IL1RAP: variants seen among roughly 807,000 people sequenced by gnomAD.
IL1RAP encodes interleukin 1 receptor accessory protein.
A neutral mutation model predicts 60.7 loss-of-function variants in IL1RAP; 35 were observed. The observed-to-expected ratio is 0.58, with a 90% CI of 0.44 to 0.76. The LOEUF (loss-of-function observed/expected upper bound fraction) is 0.76, where lower values mean the gene tolerates loss of function less well. Among genes scored for constraint, IL1RAP ranks in the 30% least tolerant of loss-of-function variants. IL1RAP has a pLI of 0.00. For missense variants in IL1RAP, 572 were observed against 693.9 expected, an observed-to-expected ratio of 0.82 and a Z score of 1.97; for synonymous variants, 268 against 250.9, an observed-to-expected ratio of 1.07 and a Z score of -0.64.
chr3:190,530,252 T>C (rs754878765), intron 1 of IL1RAP, among the ~76,000 whole-genome samples: 3 of 152,160 alleles, frequency 2.0e-5, no homozygotes, highest in Admixed American at 6.5e-5. Flanking sequence ...GGACCTTAAA[T>C]GCTCTGTTAA....
At chr3:190,608,388 T>G (rs1189305601) in intron 4 of IL1RAP, among the ~76,000 whole-genome samples, 2 of 152,106 alleles carry the variant, frequency 1.3e-5, no homozygotes, top group Admixed American at 6.6e-5. Flanking sequence ...ACAGTTAACA[T>G]ACAATATAAA....
intron 3 of IL1RAP, among the ~76,000 whole-genome samples, chr3:190,588,254 C>T (rs1268085617): frequency 6.6e-6 from 1 of 152,210 alleles, no homozygotes; most frequent in Non-Finnish European, 1.5e-5. Flanking sequence ...GCTGGGACTA[C>T]AGGCATGCGC....
At chr3:190,630,622 G>A (rs922166084) in intron 9 of IL1RAP, among the ~76,000 whole-genome samples, 8 of 152,212 alleles carry the variant, frequency 5.3e-5, no homozygotes, top group Non-Finnish European at 7.3e-5. Context: ...TGAAGTACTA[G>A]TGAATCAGTT....
At chr3:190,615,694 G>A (rs1443495964) in intron 5 of IL1RAP, among the ~76,000 whole-genome samples, 4 of 143,142 alleles carry the variant, frequency 2.8e-5, no homozygotes, top group Admixed American at 2.1e-4. Flanking sequence ...TACTAAAATT[G>A]ATATATTACC....
chr3:190,632,672 A>G (rs7626795), intron 9 of IL1RAP, among the ~76,000 whole-genome samples: 34,504 of 152,152 alleles, frequency 0.23, 5,305 homozygotes, highest in African/African-American at 0.43. Context: ...CTAAAGTTAG[A>G]AAGGTATTCA....
downstream of IL1RAP, among the ~76,000 whole-genome samples, chr3:190,654,558 G>A (rs1037786613): frequency 4.6e-5 from 7 of 152,106 alleles, no homozygotes; most frequent in Admixed American, 3.9e-4. Flanking sequence ...ACTTGAGCAC[G>A]TGTCTCTCCA....
chr3:190,650,413 A>G lies in IL1RAP; in HGVS notation c.*1708A>G, dbSNP rs558405376. 2 of 985,412 alleles carry G rather than the reference A, an allele frequency of 2.0e-6. No homozygotes were observed. Among genetic ancestry groups the G allele is most frequent in the East Asian group, 2.3e-4 (2 of 8,814 alleles). 61.0% of individuals were successfully genotyped at this position (985,412 alleles called of 1,614,324 possible). A position where few individuals can be genotyped will look rare whatever the true frequency, so the allele number is the denominator to read the frequency against. On this transcript the variant is annotated 3_prime_UTR_variant, in exon 12 of 12. Coordinates refer to ENST00000447382, the MANE Select transcript of IL1RAP (RefSeq NM_002182.4). ...TTCCTACTATATTCCCAGCAGACACATTTAGAAACTAAGCTATGTTAACCT... is the reference window on the plus strand; with the variant it reads ...TTCCTACTATATTCCCAGCAGACACGTTTAGAAACTAAGCTATGTTAACCT...
chr3:190,624,213 G>A (rs1030303985), intron 7 of IL1RAP, among the ~76,000 whole-genome samples: 6 of 152,226 alleles, frequency 3.9e-5, no homozygotes, highest in African/African-American at 1.4e-4. Flanking sequence ...AGAAAGCATA[G>A]GAACATAACA....
intron 11 of IL1RAP, among the ~76,000 whole-genome samples, chr3:190,647,786 A>T (rs1233647496): frequency 6.6e-6 from 1 of 152,256 alleles, no homozygotes; most frequent in Non-Finnish European, 1.5e-5. Context: ...TCAGAGAGGT[A>T]TCCAACAATA....
In IL1RAP at chr3:190,576,727, C is replaced by T. The variant is rs565837595; in HGVS notation, c.64+12374C>T. ...TTCAAAGATACCACCAAAATGCCTC[C>T]CTTTAATCTTGTAATGAACCATACA... On this transcript the variant is annotated intron_variant, in intron 3 of 11. Coordinates refer to ENST00000447382, the MANE Select transcript of IL1RAP (RefSeq NM_002182.4). Among the ~76,000 whole-genome samples the T allele has an allele frequency of 3.5e-3, 526 of 152,232 alleles. 3 individuals carry two copies. The highest frequency in any genetic ancestry group is 0.012 in the African/African-American group (511 of 41,530).
At chr3:190,630,759 A>G (rs1165257431) in intron 9 of IL1RAP, among the ~76,000 whole-genome samples, 1 of 152,174 alleles carries the variant, frequency 6.6e-6, no homozygotes, top group African/African-American at 2.4e-5. Context: ...TTGTCCTGCA[A>G]TGCATTATTG....
exon 12 of IL1RAP, chr3:190,656,612 TG>T: frequency 2.7e-6 from 4 of 1,470,944 alleles, no homozygotes; most frequent in Non-Finnish European, 3.6e-6. Context: ...CTATAATTAC[TG>T]TGTGTGGTGG....
chr3:190,602,087 T>C (rs1729911151), intron 3 of IL1RAP, among the ~76,000 whole-genome samples: 1 of 152,058 alleles, frequency 6.6e-6, no homozygotes, highest in East Asian at 1.9e-4. Flanking sequence ...GATGTGGAGA[T>C]AGGGGAAAGG....
chr3:190,597,036 T>C (rs966161031), intron 3 of IL1RAP, among the ~76,000 whole-genome samples: 1 of 152,228 alleles, frequency 6.6e-6, no homozygotes, highest in Non-Finnish European at 1.5e-5. Context: ...TGAATGCTAA[T>C]ACATATATTT....
chr3:190,553,696 C>G (rs1017238274), intron 1 of IL1RAP, among the ~76,000 whole-genome samples: 1 of 152,172 alleles, frequency 6.6e-6, no homozygotes, highest in African/African-American at 2.4e-5. Context: ...CTTTTCTGAC[C>G]CCTGAGCGTG....
intron 9 of IL1RAP, among the ~76,000 whole-genome samples, chr3:190,641,801 A>G (rs1264420390): frequency 6.6e-6 from 1 of 152,166 alleles, no homozygotes; most frequent in Non-Finnish European, 1.5e-5. Flanking sequence ...AGTGGAAATT[A>G]CCCTGTTGTA....
At chr3:190,636,560 G>A (rs547483827) in intron 9 of IL1RAP, among the ~76,000 whole-genome samples, 38 of 151,388 alleles carry the variant, frequency 2.5e-4, no homozygotes, top group Non-Finnish European at 5.3e-4. Flanking sequence ...TTTTGGTAGA[G>A]GGACGGAGTC....
intron 3 of IL1RAP, among the ~76,000 whole-genome samples, chr3:190,574,926 C>A (rs528006556): frequency 6.6e-4 from 101 of 152,268 alleles, no homozygotes; most frequent in African/African-American, 2.4e-3. Flanking sequence ...CCACTTACTG[C>A]AAACTCTCCA....
chr3:190,534,133 T>A (rs1477438204), intron 1 of IL1RAP, among the ~76,000 whole-genome samples: 1 of 152,024 alleles, frequency 6.6e-6, no homozygotes, highest in African/African-American at 2.4e-5. Context: ...CAGCTTTGAT[T>A]TGAAAGAATA....
Sources: gnomAD v4.1 joint callset for allele counts (sites outside exome capture counted in the v4.1 genomes callset) on GRCh38, gnomAD v4.1.1 for gene constraint, MANE v1.5 for transcripts, NCBI Gene and HGNC (gene_info 2026-07-23, HGNC 2026-07-21) for gene names.